NEGR1: variants seen among roughly 807,000 people sequenced by gnomAD.
NEGR1 encodes the protein neuronal growth regulator 1.
NEGR1 carries 10 observed loss-of-function variants against 40.9 expected under a neutral mutation model. The observed-to-expected ratio is 0.24, with a 90% confidence interval of 0.15 to 0.42. The LOEUF (loss-of-function observed/expected upper bound fraction) is 0.42, where lower values mean the gene tolerates loss of function less well. Ranked by LOEUF, NEGR1 falls within the 10% of genes least tolerant of loss-of-function variation. NEGR1 has a pLI of 1.00. For missense variants in NEGR1, 352 were observed against 438.9 expected (o/e 0.80, Z 1.77); for synonymous variants, 185 against 166.8 (o/e 1.11, Z -0.84).
chr1:71,699,475 C>G (rs565469048), intron 3 of NEGR1, among the ~76,000 whole-genome samples: 1 of 151,824 alleles, frequency 6.6e-6, no homozygotes, highest in African/African-American at 2.4e-5. Context: ...GTAGTTGGCT[C>G]TTTTAGTCTT....
chr1:71,743,580 G>T (rs973411687), intron 3 of NEGR1, among the ~76,000 whole-genome samples: 5 of 152,006 alleles, frequency 3.3e-5, no homozygotes, highest in African/African-American at 2.4e-5. Context: ...TACTGAAAAT[G>T]GAACCTTATT....
intron 4 of NEGR1, among the ~76,000 whole-genome samples, chr1:71,686,446 A>T (rs1006744216): frequency 6.6e-6 from 1 of 152,162 alleles, no homozygotes; most frequent in African/African-American, 2.4e-5. Context: ...TATCTTCAAC[A>T]TGTAGCTTTC....
At chr1:71,761,978 T>TA (rs921762471) in intron 3 of NEGR1, among the ~76,000 whole-genome samples, 2 of 152,026 alleles carry the variant, frequency 1.3e-5, no homozygotes, top group African/African-American at 4.8e-5. Flanking sequence ...ATTATCATAA[T>TA]AAAAATACTT....
intron 1 of NEGR1, among the ~76,000 whole-genome samples, chr1:72,105,523 G>A (rs1409486257): frequency 6.6e-6 from 1 of 151,698 alleles, no homozygotes; most frequent in Non-Finnish European, 1.5e-5. Context: ...GGGAAACAAA[G>A]CGATACCTCA....
intron 2 of NEGR1, among the ~76,000 whole-genome samples, chr1:71,890,215 C>T (rs1660839116): frequency 1.2e-5 from 1 of 84,660 alleles, no homozygotes; most frequent in Admixed American, 1.8e-4. Context: ...TCACACATAA[C>T]AATATTAACT....
intron 4 of NEGR1, among the ~76,000 whole-genome samples, chr1:71,642,292 G>A (rs557384780): frequency 6.6e-6 from 1 of 151,780 alleles, no homozygotes; most frequent in South Asian, 2.1e-4. Flanking sequence ...TTTAAACCAT[G>A]GAAAACAGAT....
At chr1:71,656,993 G>A (rs1042441556) in intron 4 of NEGR1, among the ~76,000 whole-genome samples, 2 of 152,106 alleles carry the variant, frequency 1.3e-5, no homozygotes, top group East Asian at 1.9e-4. Context: ...ATACTGTTTG[G>A]CTTCAAAAAT....
intron 6 of NEGR1, among the ~76,000 whole-genome samples, chr1:71,559,154 G>A (rs1648360138): frequency 6.7e-6 from 1 of 149,102 alleles, no homozygotes; most frequent in South Asian, 2.1e-4. Flanking sequence ...TAGCATTTTG[G>A]CTTTGCTTAT....
intron 2 of NEGR1, among the ~76,000 whole-genome samples, chr1:71,917,779 TAA>T (rs79120253): frequency 1.8e-3 from 211 of 120,414 alleles, no homozygotes; most frequent in Admixed American, 3.2e-3. Flanking sequence ...GACTCCGTCT[TAA>T]AAAAAAAAAA....
At chr1:71,637,336 C>A (rs899933976) in intron 4 of NEGR1, among the ~76,000 whole-genome samples, 1 of 151,796 alleles carries the variant, frequency 6.6e-6, no homozygotes, top group Non-Finnish European at 1.5e-5. Context: ...CATCTCCTTT[C>A]AAAAAGAGGC....
chr1:71,664,805 C>T (rs2101593780), intron 4 of NEGR1, among the ~76,000 whole-genome samples: 1 of 152,188 alleles, frequency 6.6e-6, no homozygotes, highest in East Asian at 1.9e-4. Flanking sequence ...ACACCCTTTT[C>T]CCCTTGATCT....
At chr1:71,914,248 GTGTC>G (rs932420063) in intron 2 of NEGR1, among the ~76,000 whole-genome samples, 3 of 152,206 alleles carry the variant, frequency 2.0e-5, no homozygotes, top group Non-Finnish European at 4.4e-5. Flanking sequence ...CCTTACTTCA[GTGTC>G]TGACTCATCT....
intron 3 of NEGR1, among the ~76,000 whole-genome samples, chr1:71,757,072 A>C (rs766233324): frequency 3.3e-5 from 5 of 152,058 alleles, no homozygotes; most frequent in East Asian, 1.9e-4. Flanking sequence ...TTAAGTCATG[A>C]TCTCTCAGGC....
intron 6 of NEGR1, among the ~76,000 whole-genome samples, chr1:71,418,185 A>G (rs987372608): frequency 2.0e-5 from 3 of 151,772 alleles, no homozygotes; most frequent in Non-Finnish European, 4.4e-5. Flanking sequence ...AGAAGCAAGT[A>G]GTGTTTCACA....
chr1:72,040,840 A>T (rs1472989456), intron 1 of NEGR1, among the ~76,000 whole-genome samples: 1 of 151,920 alleles, frequency 6.6e-6, no homozygotes, highest in Non-Finnish European at 1.5e-5. Flanking sequence ...CAATTCAAAT[A>T]TTGTCTTGCA....
chr1:71,629,384 A>G (rs1181208324), intron 4 of NEGR1, among the ~76,000 whole-genome samples: 1 of 151,980 alleles, frequency 6.6e-6, no homozygotes, highest in South Asian at 2.1e-4. Context: ...ATGTTTTTCC[A>G]TTTGTTTGTG....
intron 2 of NEGR1, among the ~76,000 whole-genome samples, chr1:71,934,230 A>G (rs1269514307): frequency 6.6e-6 from 1 of 152,176 alleles, no homozygotes; most frequent in African/African-American, 2.4e-5. Context: ...AAGGTAAAAA[A>G]TAAACGTTTT....
intron 6 of NEGR1, among the ~76,000 whole-genome samples, chr1:71,540,503 GC>G: frequency 6.6e-6 from 1 of 151,824 alleles, no homozygotes; most frequent in East Asian, 2.0e-4. Flanking sequence ...GAGAGGAATG[GC>G]TTTTAGTTAT....
At chr1:71,731,299 C>T (rs890566289) in intron 3 of NEGR1, among the ~76,000 whole-genome samples, 7 of 152,148 alleles carry the variant, frequency 4.6e-5, no homozygotes, top group Admixed American at 2.0e-4. Context: ...CACTGTTCTT[C>T]CAGAAGCCCC....
Sources: gnomAD v4.1 joint callset for allele counts (sites outside exome capture counted in the v4.1 genomes callset) on GRCh38, gnomAD v4.1.1 for gene constraint, MANE v1.5 for transcripts, NCBI Gene and HGNC (gene_info 2026-07-23, HGNC 2026-07-21) for gene names.